ACOT1: variants seen among roughly 807,000 people sequenced by gnomAD.
The protein encoded by ACOT1 is acyl-CoA thioesterase 1.
Under a neutral mutation model 15.7 loss-of-function variants are expected in ACOT1, and 8 were observed. That is an observed-to-expected ratio of 0.51 (90% CI 0.30 to 0.92). ACOT1 has a LOEUF of 0.92. ACOT1 is among the 40% of genes least tolerant of loss of function. The pLI is 0.06. For missense variants in ACOT1, 151 were observed against 539.4 expected (o/e 0.28, Z 7.13); for synonymous variants, 67 against 241.2 (o/e 0.28, Z 6.69).
the ACOT1 span, among the ~76,000 whole-genome samples, chr14:73,525,373 A>G: frequency 6.6e-6 from 1 of 152,160 alleles, no homozygotes; most frequent in Non-Finnish European, 1.5e-5. Flanking sequence ...GCCAGAATCA[A>G]TAACCTCCCT....
the ACOT1 span, among the ~76,000 whole-genome samples, chr14:73,518,181 G>A: frequency 6.6e-6 from 1 of 152,184 alleles, no homozygotes; most frequent in Non-Finnish European, 1.5e-5. Flanking sequence ...GTGCCTCCAA[G>A]GATAGACTGA....
the ACOT1 span, among the ~76,000 whole-genome samples, chr14:73,528,215 C>T: frequency 2.0e-4 from 31 of 151,710 alleles, no homozygotes; most frequent in East Asian, 5.4e-3. Flanking sequence ...GCCAACATGG[C>T]GAAGCCCCAT....
intron 1 of ACOT1, among the ~76,000 whole-genome samples, chr14:73,540,742 CTTTTTT>C (rs200357086): frequency 1.7e-4 from 14 of 81,192 alleles, no homozygotes; most frequent in Admixed American, 3.0e-4. Context: ...TGTTTGCATT[CTTTTTT>C]TTTTTTTTTT....
the ACOT1 span, among the ~76,000 whole-genome samples, chr14:73,528,392 CAAAAAAAA>C: frequency 3.4e-5 from 3 of 88,518 alleles, no homozygotes; most frequent in Non-Finnish European, 6.1e-5. Flanking sequence ...AACTTCATCT[CAAAAAAAA>C]AAAAAAAAAA....
the ACOT1 span, chr14:73,490,948 C>T: frequency 3.3e-5 from 42 of 1,284,008 alleles, no homozygotes; most frequent in Admixed American, 4.0e-5. Flanking sequence ...GCACCGCAGC[C>T]GCTGCATTCA....
chr14:73,536,432 C>T (rs1303091548), upstream of ACOT1, among the ~76,000 whole-genome samples: 1 of 105,400 alleles, frequency 9.5e-6, no homozygotes, highest in Non-Finnish European at 2.0e-5. Flanking sequence ...GGCTTTAGCC[C>T]AGGAGTTTGA....
the ACOT1 span, among the ~76,000 whole-genome samples, chr14:73,503,761 G>A: frequency 6.6e-6 from 1 of 152,094 alleles, no homozygotes; most frequent in Non-Finnish European, 1.5e-5. Flanking sequence ...ATTTACTAAC[G>A]GAAGACTTAT....
In ACOT1 at chr14:73,543,127, G is replaced by A. The variant is rs1178716879; in HGVS notation, c.738G>A (p.Lys246=). The A allele has an allele frequency of 1.1e-5, 17 of 1,600,284 alleles. No individual in the cohort carries two copies. In the East Asian group the frequency reaches 3.6e-4, roughly 34 times the overall value. ...GCCTTTCCATGGCCTCTTTCCTGAA[G>A]GGCATCACGGCTGCTGTCGTCATCA... is the stretch of plus-strand genomic sequence containing the variant. ...ELCLSMASFL[K]GITAAVVING... is the part of the protein sequence containing the mutation. Residue 246 remains lysine (K), a synonymous_variant, in exon 3 of 3, where the codon AAG becomes AAA. Transcript: ENST00000311148.
the ACOT1 span, among the ~76,000 whole-genome samples, chr14:73,507,806 G>T: frequency 6.6e-6 from 1 of 152,072 alleles, no homozygotes; most frequent in African/African-American, 2.4e-5. Flanking sequence ...GTAGTGGCGT[G>T]ATCTCAGCTC....
chr14:73,530,644 T>TTTTTG, the ACOT1 span: 1 of 120,454 alleles, frequency 8.3e-6, no homozygotes, highest in African/African-American at 2.8e-5. Flanking sequence ...CTTGATTTGT[T>TTTTTG]TTTTGTTTGT....
At chr14:73,511,500 C>T in the ACOT1 span, among the ~76,000 whole-genome samples, 1 of 150,702 alleles carries the variant, frequency 6.6e-6, no homozygotes, top group South Asian at 2.1e-4. Context: ...GCCTGGGTGA[C>T]AGAGCAAGAC....
chr14:73,505,029 T>A, the ACOT1 span, among the ~76,000 whole-genome samples: 1 of 152,026 alleles, frequency 6.6e-6, no homozygotes, highest in Admixed American at 6.6e-5. Context: ...CCTCCCAGGT[T>A]TAAGCGATTC....
In ACOT1 at chr14:73,541,515, T is replaced by G. The variant is rs776297233; in HGVS notation, c.480T>G (p.Ile160Met). 4.8e-6 allele frequency: 6 copies of G among 1,245,034 alleles called. 1 individual carries two copies. The African/African-American group carries it at 6.5e-5, about 13-fold the overall frequency. 77.1% of individuals were successfully genotyped at this position (1,245,034 alleles called of 1,614,324 possible). A position where few individuals can be genotyped will look rare whatever the true frequency, so the allele number is the denominator to read the frequency against. Reference sequence around the variant, plus strand: ...AAGAACCTGGGCCCTTTCCTGGCATTGTGGACATGTTCGGAACTGGAGGTG... The same window carrying G: ...AAGAACCTGGGCCCTTTCCTGGCATGGTGGACATGTTCGGAACTGGAGGTG... Reference protein sequence around the residue: ...LPPEPGPFPGIVDMFGTGGGL... With the variant: ...LPPEPGPFPGMVDMFGTGGGL... Residue 160 changes from isoleucine (I) to methionine (M), a missense_variant, in exon 2 of 3, where the codon ATT becomes ATG. Coordinates refer to ENST00000311148, the MANE Select transcript of ACOT1 (RefSeq NM_001037161.2).
chr14:73,511,807 C>A, the ACOT1 span, among the ~76,000 whole-genome samples: 1 of 152,178 alleles, frequency 6.6e-6, no homozygotes, highest in East Asian at 1.9e-4. Flanking sequence ...AAATGTAGTT[C>A]AAAAATTACT....
At chr14:73,498,291 C>A in the ACOT1 span, 3 of 1,613,244 alleles carry the variant, frequency 1.9e-6, no homozygotes, top group Non-Finnish European at 2.5e-6. Context: ...TAGTGGATAG[C>A]CCAGAGCAGA....
At chr14:73,510,799 T>C in the ACOT1 span, among the ~76,000 whole-genome samples, 10 of 152,250 alleles carry the variant, frequency 6.6e-5, no homozygotes, top group South Asian at 8.3e-4. Context: ...CACAGGAGCA[T>C]GTTGTTTATT....
chr14:73,506,804 G>GTTTTTTTTTGTTTTGT, the ACOT1 span, among the ~76,000 whole-genome samples: 3 of 80,522 alleles, frequency 3.7e-5, no homozygotes, highest in Non-Finnish European at 6.7e-5. Flanking sequence ...GACTTTAACT[G>GTTTTTTTTTGTTTTGT]TTTTTTTTTT....
the ACOT1 span, chr14:73,498,345 CT>C: frequency 6.3e-7 from 1 of 1,591,402 alleles, no homozygotes; most frequent in East Asian, 2.3e-5. Context: ...TGTCCCAAAG[CT>C]GCAGAGATTA....
At chr14:73,492,297 C>G in the ACOT1 span, 5 of 1,614,058 alleles carry the variant, frequency 3.1e-6, no homozygotes, top group South Asian at 3.3e-5. This position sits in a 1 kb window ranked among gnomAD's most constrained non-coding sequence, Gnocchi z 4.9. Context: ...CAGCGCAATA[C>G]CTGGGGTGAC....
Sources: allele counts gnomAD v4.1 joint callset (sites outside exome capture counted in the v4.1 genomes callset), GRCh38; gene constraint gnomAD v4.1.1; non-coding constraint Gnocchi (gnomAD v3.1); transcripts MANE v1.5; gene names NCBI Gene and HGNC (gene_info 2026-07-23, HGNC 2026-07-21).